The following GRM8 variants were observed in gnomAD, a reference collection of about 807,000 sequenced individuals.
GRM8 encodes the protein metabotropic glutamate receptor 8.
Under a neutral mutation model 87.2 loss-of-function variants are expected in GRM8, and 47 were observed. The observed-to-expected ratio is 0.54, with a 90% CI of 0.43 to 0.69. The LOEUF (loss-of-function observed/expected upper bound fraction) is 0.69. Among genes scored for constraint, GRM8 ranks in the 30% least tolerant of loss-of-function variants. The pLI, the probability that GRM8 is intolerant of heterozygous loss-of-function variation, is 0.00. For missense variants in GRM8, 1,019 were observed against 1,139.2 expected, an observed-to-expected ratio of 0.89 and a Z score of 1.52; for synonymous variants, 396 against 404.5, an observed-to-expected ratio of 0.98 and a Z score of 0.25.
intron 6 of GRM8, among the ~76,000 whole-genome samples, chr7:126,773,802 C>G (rs1440459369): frequency 6.6e-6 from 1 of 151,968 alleles, no homozygotes; most frequent in African/African-American, 2.4e-5. Context: ...TCAAGACCAG[C>G]CTGGGCAGCA....
intron 8 of GRM8, among the ~76,000 whole-genome samples, chr7:126,573,906 A>G (rs1213221291): frequency 6.6e-6 from 1 of 152,154 alleles, no homozygotes; most frequent in Non-Finnish European, 1.5e-5. Flanking sequence ...AACCTTTCTT[A>G]TCACATTCTC....
chr7:127,122,304 T>C (rs1282195077), intron 2 of GRM8, among the ~76,000 whole-genome samples: 4 of 152,182 alleles, frequency 2.6e-5, no homozygotes, highest in Non-Finnish European at 5.9e-5. Context: ...GAAAATATAC[T>C]TTTCTTTTTT....
chr7:127,102,867 C>T (rs771382324), intron 3 of GRM8, among the ~76,000 whole-genome samples: 5 of 152,154 alleles, frequency 3.3e-5, no homozygotes, highest in Non-Finnish European at 5.9e-5. Context: ...CACCATCCTC[C>T]AGACTCCAGA....
At chr7:126,504,013 C>T (rs1810041278) in intron 9 of GRM8, among the ~76,000 whole-genome samples, 2 of 152,012 alleles carry the variant, frequency 1.3e-5, no homozygotes, top group South Asian at 4.2e-4. Context: ...TCTTACGAGC[C>T]ACTGAGAATT....
At chr7:126,875,242 C>T (rs1799435892) in intron 6 of GRM8, among the ~76,000 whole-genome samples, 1 of 150,754 alleles carries the variant, frequency 6.6e-6, no homozygotes, top group South Asian at 2.1e-4. Context: ...TATCAAATGT[C>T]TTTAAAAGGT....
intron 7 of GRM8, among the ~76,000 whole-genome samples, chr7:126,648,191 A>G (rs1803387324): frequency 6.6e-6 from 1 of 152,046 alleles, no homozygotes; most frequent in Non-Finnish European, 1.5e-5. Flanking sequence ...AGACCTTTTT[A>G]TCCTGTCAGT....
At chr7:126,681,911 A>G (rs1807638206) in intron 7 of GRM8, among the ~76,000 whole-genome samples, 2 of 152,168 alleles carry the variant, frequency 1.3e-5, no homozygotes, top group Non-Finnish European at 2.9e-5. Flanking sequence ...TTTATTATTT[A>G]CGGTTAATTA....
At position 127,017,586 on chromosome 7, in the gene GRM8, C is replaced by CT. The variant is rs533743791; in HGVS notation, c.727+88909dup. 2.7e-3 allele frequency among the ~76,000 whole-genome samples: 418 copies of CT among 152,166 alleles called. 2 individuals carry two copies. Among genetic ancestry groups the CT allele is most frequent in the African/African-American group, 8.7e-3 (363 of 41,554 alleles). On this transcript the variant is annotated intron_variant, in intron 3 of 10. Transcript: ENST00000339582. ...TCATTTTCAAAGAAGAAGGTGTCAT[C>CT]TTTTTCAGAGGCTAGAAAATTGAGA...
In GRM8 at chr7:126,685,123, C is replaced by T. The variant is rs1411076809; in HGVS notation, c.1358-75625G>A. ...GGGCAGTACCCACTCCAGGCCCCGGCCCCGCTTGCCACTCTTGACAGCCAC... is the reference window on the plus strand; with the variant it reads ...GGGCAGTACCCACTCCAGGCCCCGGTCCCGCTTGCCACTCTTGACAGCCAC... On this transcript the variant is annotated intron_variant, in intron 7 of 10. Coordinates refer to ENST00000339582, the MANE Select transcript of GRM8 (RefSeq NM_000845.3). This position sits in a 1 kb window ranked among gnomAD's most constrained non-coding sequence, Gnocchi z 4.2. 6.6e-6 allele frequency among the ~76,000 whole-genome samples: 1 copy of T among 152,194 alleles called. No individual in the cohort carries two copies. Among genetic ancestry groups the T allele is most frequent in the Non-Finnish European group, 1.5e-5 (1 of 68,026 alleles).
chr7:127,128,593 G>T (rs181960680), intron 2 of GRM8, among the ~76,000 whole-genome samples: 5 of 152,164 alleles, frequency 3.3e-5, no homozygotes, highest in African/African-American at 1.2e-4. Context: ...GCACTTTTAT[G>T]TATACTATAA....
At chr7:127,001,194 C>T (rs1813699696) in intron 3 of GRM8, among the ~76,000 whole-genome samples, 1 of 151,578 alleles carries the variant, frequency 6.6e-6, no homozygotes, top group Admixed American at 6.6e-5. Flanking sequence ...TTGTATGGAA[C>T]ATCAAGATAT....
intron 8 of GRM8, among the ~76,000 whole-genome samples, chr7:126,578,128 A>G (rs1795272108): frequency 1.3e-5 from 2 of 152,076 alleles, no homozygotes; most frequent in Admixed American, 1.3e-4. Context: ...TTATATCCAT[A>G]TTTTTCCTGT....
chr7:127,033,771 T>C (rs1193614088), intron 3 of GRM8, among the ~76,000 whole-genome samples: 1 of 152,236 alleles, frequency 6.6e-6, no homozygotes, highest in Non-Finnish European at 1.5e-5. Context: ...TTAAGAGATA[T>C]AGAGAACAAT....
chr7:126,724,389 T>C (rs2151463901), intron 7 of GRM8, among the ~76,000 whole-genome samples: 1 of 152,138 alleles, frequency 6.6e-6, no homozygotes, highest in Middle Eastern at 3.4e-3. Context: ...GAGGTGCAAA[T>C]ATACAGCAGG....
At chr7:126,636,913 C>T (rs1280325989) in intron 7 of GRM8, among the ~76,000 whole-genome samples, 1 of 151,818 alleles carries the variant, frequency 6.6e-6, no homozygotes, top group Admixed American at 6.6e-5. Context: ...ACTTTTGTTG[C>T]ATGGATTTCT....
At chr7:127,108,194 A>G (rs10081237) in intron 2 of GRM8, among the ~76,000 whole-genome samples, 1,847 of 152,262 alleles carry the variant, frequency 0.012, 35 homozygotes, top group African/African-American at 0.041. Flanking sequence ...GTGACTGCAT[A>G]GTACATGACT....
chr7:126,665,243 A>G (rs1441536841), intron 7 of GRM8, among the ~76,000 whole-genome samples: 2 of 152,178 alleles, frequency 1.3e-5, no homozygotes, highest in Non-Finnish European at 2.9e-5. Context: ...CAGAAATTCC[A>G]TTACTGGGCA....
intron 2 of GRM8, among the ~76,000 whole-genome samples, chr7:127,193,339 T>C (rs1180526018): frequency 6.6e-6 from 1 of 152,206 alleles, no homozygotes; most frequent in Non-Finnish European, 1.5e-5. Context: ...TGCTGGTCAA[T>C]GGAAGAGAGA....
intron 3 of GRM8, among the ~76,000 whole-genome samples, chr7:126,920,157 G>C (rs527986559): frequency 3.9e-4 from 59 of 152,204 alleles, no homozygotes; most frequent in African/African-American, 1.4e-3. Context: ...TCCATTCACC[G>C]TGTGAGAACA....
Sources: allele counts gnomAD v4.1 joint callset (sites outside exome capture counted in the v4.1 genomes callset), GRCh38; gene constraint gnomAD v4.1.1; non-coding constraint Gnocchi (gnomAD v3.1); transcripts MANE v1.5; gene names NCBI Gene and HGNC (gene_info 2026-07-23, HGNC 2026-07-21).